Variants in SATB2 observed in about 807,000 individuals in gnomAD.
SATB2 encodes SATB homeobox 2.
Under a neutral mutation model 73.4 loss-of-function variants are expected in SATB2, and 1 was observed. That is an observed-to-expected ratio of 0.01 (90% CI 0.00 to 0.06). SATB2 has a LOEUF of 0.06. Ranked by LOEUF, SATB2 falls within the 10% of genes least tolerant of loss-of-function variation. The probability of loss-of-function intolerance (pLI) is 1.00; values close to 1 mark genes in which losing one functional copy is unlikely to be tolerated. For missense variants in SATB2, 459 were observed against 945.8 expected (o/e 0.49, Z 6.75); for synonymous variants, 397 against 367.0 (o/e 1.08, Z -0.93).
chr2:199,469,358 A>G (rs529826395), upstream of SATB2, among the ~76,000 whole-genome samples: 38 of 152,106 alleles, frequency 2.5e-4, no homozygotes, highest in African/African-American at 8.9e-4. Flanking sequence ...CGGGAAGTAA[A>G]CGGCGTCCTC....
intron 6 of SATB2, among the ~76,000 whole-genome samples, chr2:199,356,751 A>AT (rs1185136649): frequency 7.9e-5 from 12 of 152,000 alleles, no homozygotes; most frequent in Non-Finnish European, 1.5e-4. Flanking sequence ...TTTTTAATGG[A>AT]TTTTCTTTAG....
intron 6 of SATB2, among the ~76,000 whole-genome samples, chr2:199,363,154 A>G (rs995999596): frequency 1.3e-5 from 2 of 152,104 alleles, no homozygotes; most frequent in African/African-American, 4.8e-5. Context: ...CCCACGCACC[A>G]TTTTTCCACT....
chr2:199,382,752 T>C lies in SATB2; in HGVS notation c.347-932A>G, dbSNP rs576933600. 1.6e-4 allele frequency among the ~76,000 whole-genome samples: 24 copies of C among 152,296 alleles called. No individual in the cohort carries two copies. The South Asian group carries it at 3.1e-3, about 20-fold the overall frequency. ...TGACACAGGGTAACAAAAATTTTAT[T>C]TGTAGGCGATGAAAAATCCCATGTC... On this transcript the variant is annotated intron_variant, in intron 3 of 10. Transcript: ENST00000417098.
rs1372831279 is a variant in SATB2, at chr2:199,271,970, G to A, written c.*241C>T. On this transcript the variant is annotated 3_prime_UTR_variant, in exon 11 of 11. Coordinates refer to ENST00000417098, the MANE Select transcript of SATB2 (RefSeq NM_001172509.2). ...AGACGGGATAAAGTGTAACGCTTTA[G>A]TGTCTTTGCCAAGGCGATGTCTGAT... 12 of 562,160 alleles carry A rather than the reference G, an allele frequency of 2.1e-5. No homozygotes were observed. Among genetic ancestry groups the A allele is most frequent in the Non-Finnish European group, 3.8e-5 (12 of 315,838 alleles). 34.8% of individuals were successfully genotyped at this position (562,160 alleles called of 1,614,324 possible).
At chr2:199,403,220 T>C (rs1179152889) in intron 3 of SATB2, among the ~76,000 whole-genome samples, 3 of 152,172 alleles carry the variant, frequency 2.0e-5, no homozygotes, top group African/African-American at 7.2e-5. Flanking sequence ...TTCTGTAAAT[T>C]ATGTTATACT....
intron 3 of SATB2, among the ~76,000 whole-genome samples, chr2:199,430,851 A>G (rs1691481426): frequency 6.6e-6 from 1 of 152,094 alleles, no homozygotes. Flanking sequence ...AATCTGAAAT[A>G]CTCTTCCAAC....
chr2:199,395,132 T>C (rs1043102149), intron 3 of SATB2, among the ~76,000 whole-genome samples: 2 of 152,142 alleles, frequency 1.3e-5, no homozygotes, highest in African/African-American at 2.4e-5. Flanking sequence ...CCATGTCTAA[T>C]TTTCTGAATA....
intron 3 of SATB2, among the ~76,000 whole-genome samples, chr2:199,386,687 C>T (rs529074858): frequency 2.1e-3 from 130 of 62,190 alleles, no homozygotes; most frequent in African/African-American, 0.015. Flanking sequence ...ATTTCATACA[C>T]GTGCGCAAGC....
chr2:199,443,508 A>G (rs1691878246), intron 2 of SATB2, among the ~76,000 whole-genome samples: 1 of 149,254 alleles, frequency 6.7e-6, no homozygotes, highest in South Asian at 2.1e-4. Flanking sequence ...AGAGATTTTT[A>G]TCAAATAAAA....
At chr2:199,343,758 T>A (rs1329115432) in intron 7 of SATB2, among the ~76,000 whole-genome samples, 1 of 152,236 alleles carries the variant, frequency 6.6e-6, no homozygotes, top group Non-Finnish European at 1.5e-5. Context: ...AGTTTCCATT[T>A]GATATCCTCA....
Position 199,362,124 on chromosome 2 carries a change from C to T in SATB2, c.700+6481G>A, listed in dbSNP as rs574215843. Among the ~76,000 whole-genome samples the T allele has an allele frequency of 2.4e-4, 37 of 152,242 alleles. 2 individuals are homozygous for T. In the South Asian group the frequency reaches 7.7e-3, roughly 32 times the overall value. Reference sequence around the variant, plus strand: ...CCTTTGCCTTTTCACTGATCAAAAGCTTAGCCATTCTGAGCACCTGTTATA... The same window carrying T: ...CCTTTGCCTTTTCACTGATCAAAAGTTTAGCCATTCTGAGCACCTGTTATA... On this transcript the variant is annotated intron_variant, in intron 6 of 10. Coordinates refer to ENST00000417098, the MANE Select transcript of SATB2 (RefSeq NM_001172509.2).
rs1692147490 is a variant in SATB2 at position 199,271,281 on chromosome 2, T to C, written c.*930A>G. On this transcript the variant is annotated 3_prime_UTR_variant, in exon 11 of 11. Transcript: ENST00000417098. ...TCAAGACTTGCACTAGTGGACAAAGTTTTCTCTGCACTGAATTTCAGTTTT... is the reference window on the plus strand; with the variant it reads ...TCAAGACTTGCACTAGTGGACAAAGCTTTCTCTGCACTGAATTTCAGTTTT... The C allele has an allele frequency of 6.5e-6, 1 of 152,698 alleles. No individual in the cohort carries two copies. The highest frequency in any genetic ancestry group is 1.5e-5 in the Non-Finnish European group (1 of 68,018). The allele number at this position is 152,698 out of a possible 1,614,324, so 9.5% of individuals were successfully genotyped here.
intron 7 of SATB2, 149 bp from the exon 8 acceptor site, chr2:199,329,059 T>C (rs1688114794): frequency 2.0e-5 from 14 of 702,438 alleles, no homozygotes; most frequent in South Asian, 1.8e-4. Flanking sequence ...GGTTCTCCGA[T>C]ATGAAGTCAA....
At chr2:199,378,060 G>C (rs1053397820) in intron 5 of SATB2, among the ~76,000 whole-genome samples, 1 of 152,134 alleles carries the variant, frequency 6.6e-6, no homozygotes, top group Non-Finnish European at 1.5e-5. Context: ...AGAGTTTAAC[G>C]AGGCCCTGAG....
chr2:199,379,890 T>C (rs1249955391), intron 5 of SATB2, among the ~76,000 whole-genome samples: 1 of 151,840 alleles, frequency 6.6e-6, no homozygotes, highest in African/African-American at 2.4e-5. Context: ...TAATTTTTTT[T>C]TTTTTAAGAA....
At chr2:199,328,241 T>C (rs1186204072) in intron 8 of SATB2, among the ~76,000 whole-genome samples, 1 of 152,106 alleles carries the variant, frequency 6.6e-6, no homozygotes, top group Non-Finnish European at 1.5e-5. Flanking sequence ...GTTCAGCGGA[T>C]TAAGAAATCA....
chr2:199,424,176 G>C (rs985574016), intron 3 of SATB2, among the ~76,000 whole-genome samples: 1 of 152,220 alleles, frequency 6.6e-6, no homozygotes, highest in Non-Finnish European at 1.5e-5. Flanking sequence ...GCAAGCAAGT[G>C]GCACGTGCTC....
intron 10 of SATB2, among the ~76,000 whole-genome samples, chr2:199,286,786 A>G (rs996144675): frequency 6.6e-6 from 1 of 152,226 alleles, no homozygotes; most frequent in Non-Finnish European, 1.5e-5. Flanking sequence ...ACATCTGGTT[A>G]AAACGAATAA....
chr2:199,334,898 A>T (rs949571431), intron 7 of SATB2, among the ~76,000 whole-genome samples: 1 of 152,234 alleles, frequency 6.6e-6, no homozygotes, highest in South Asian at 2.1e-4. Flanking sequence ...TTCCTTCTAG[A>T]TACTCATGAG....
Sources: allele counts gnomAD v4.1 joint callset (sites outside exome capture counted in the v4.1 genomes callset), GRCh38; gene constraint gnomAD v4.1.1; transcripts MANE v1.5; gene names NCBI Gene and HGNC (gene_info 2026-07-23, HGNC 2026-07-21).